Variants in NBAS observed in about 807,000 individuals in gnomAD.
The protein encoded by NBAS is NAG/BC035112 fusion.
NBAS carries 219 observed loss-of-function variants against 302.5 expected under a neutral mutation model. That is an observed-to-expected ratio of 0.72 (90% CI 0.65 to 0.81). NBAS has a LOEUF of 0.81. Ranked by LOEUF, NBAS falls within the 30% of genes least tolerant of loss-of-function variation. The probability of loss-of-function intolerance (pLI) is 0.00; values close to 1 mark genes in which losing one functional copy is unlikely to be tolerated. For synonymous variants in NBAS, 1,118 were observed against 1,021.6 expected (o/e 1.09, Z -1.80); for missense variants, 2,932 against 2,841.6 (o/e 1.03, Z -0.72).
chr2:14,850,907 A>C, the NBAS span, among the ~76,000 whole-genome samples: 1 of 137,198 alleles, frequency 7.3e-6, no homozygotes, highest in African/African-American at 3.2e-5. Flanking sequence ...ACATACCAGA[A>C]TCTCTGGGAC....
intron 11 of NBAS, among the ~76,000 whole-genome samples, chr2:15,490,279 C>T (rs1680800989): frequency 6.6e-6 from 1 of 152,080 alleles, no homozygotes; most frequent in Non-Finnish European, 1.5e-5. Context: ...TTCAGGAGGT[C>T]AGGAACACTG....
chr2:15,033,418 T>A, the NBAS span, among the ~76,000 whole-genome samples: 4 of 20,888 alleles, frequency 1.9e-4, no homozygotes, highest in African/African-American at 3.3e-4. Context: ...CTTCAAACTT[T>A]AGACTTTAGA....
chr2:15,090,113 G>T, the NBAS span, among the ~76,000 whole-genome samples: 2 of 152,180 alleles, frequency 1.3e-5, no homozygotes, highest in African/African-American at 4.8e-5. Flanking sequence ...GTTCCCAAAA[G>T]ATGTCAGCTC....
chr2:15,488,775 G>A, intron 12 of NBAS, 119 bp downstream of exon 12: 1 of 1,301,106 alleles, frequency 7.7e-7, no homozygotes, highest in Non-Finnish European at 1.1e-6. Context: ...AAGGATAGAA[G>A]AGCTTTGGAA....
At chr2:15,189,386 A>G (rs575640914) in intron 49 of NBAS, among the ~76,000 whole-genome samples, 86 of 152,182 alleles carry the variant, frequency 5.7e-4, no homozygotes, top group Non-Finnish European at 1.1e-3. Context: ...ATAGGACTTT[A>G]TTTTCAGAAA....
rs1270338669 is a variant in NBAS at position 15,328,294 on chromosome 2, C to T, written c.4366G>A (p.Ala1456Thr). ...RPLQGQKCGG[A>T]YQIGTTANED... ...TTGGCTGTAGTTCCGATTTGATATG[C>T]ACCACCACATTTTTGCCCCTAAAAA... Residue 1456 changes from alanine to threonine, a missense_variant, in exon 37 of 52, where the codon GCA becomes ACA. By Grantham distance (58) the Ala-to-Thr change is moderately conservative. Transcript: ENST00000281513. 1 of 1,613,664 alleles carries T rather than the reference C, an allele frequency of 6.2e-7. No homozygotes were observed. Among genetic ancestry groups the T allele is most frequent in the Admixed American group, 1.7e-5 (1 of 59,994 alleles).
chr2:15,009,716 A>G, the NBAS span, among the ~76,000 whole-genome samples: 696 of 147,252 alleles, frequency 4.7e-3, 10 homozygotes, highest in African/African-American at 0.016. Flanking sequence ...ATATATATAT[A>G]TATACGGTGC....
chr2:14,919,047 G>T, the NBAS span, among the ~76,000 whole-genome samples: 1 of 152,206 alleles, frequency 6.6e-6, no homozygotes, highest in South Asian at 2.1e-4. Context: ...AGGATAATTT[G>T]TACATGCCTG....
intron 45 of NBAS, among the ~76,000 whole-genome samples, chr2:15,236,012 G>T (rs1667575196): frequency 6.6e-6 from 1 of 152,038 alleles, no homozygotes. Context: ...TTAAAATGAA[G>T]GTCTGAACTA....
rs1027525545 is a variant in NBAS at position 15,441,841 on chromosome 2, G to C, written c.2340-14047C>G. Among the ~76,000 whole-genome samples the C allele has an allele frequency of 9.5e-3, 1,444 of 151,892 alleles. 17 individuals are homozygous for C. The highest frequency in any genetic ancestry group is 0.03 in the African/African-American group (1,241 of 41,376). On this transcript the variant is annotated intron_variant, in intron 21 of 51. Coordinates refer to ENST00000281513, the MANE Select transcript of NBAS (RefSeq NM_015909.4). ...ACCAAGCAAATGGAAAACAAAAAAA[G>C]GCAGGGGTTGCAATGCTAGTCTCTG...
At chr2:15,254,781 G>A (rs1223563633) in intron 44 of NBAS, among the ~76,000 whole-genome samples, 20 of 152,172 alleles carry the variant, frequency 1.3e-4, no homozygotes, top group Admixed American at 1.3e-3. Context: ...ACTTATAAGT[G>A]AGAACATAAG....
At chr2:15,086,009 G>A in the NBAS span, among the ~76,000 whole-genome samples, 1 of 152,100 alleles carries the variant, frequency 6.6e-6, no homozygotes, top group African/African-American at 2.4e-5. Context: ...GAAGGGGTGG[G>A]GTCCCCAGTG....
At chr2:15,540,677 C>T (rs12692272) in intron 6 of NBAS, among the ~76,000 whole-genome samples, 93,444 of 151,332 alleles carry the variant, frequency 0.62, 29,733 homozygotes, top group Non-Finnish European at 0.68. Flanking sequence ...ACTCATACCA[C>T]GACAACCTGG....
At chr2:14,814,704 G>A in the NBAS span, among the ~76,000 whole-genome samples, 4 of 152,236 alleles carry the variant, frequency 2.6e-5, no homozygotes, top group Admixed American at 1.3e-4. Flanking sequence ...GTTAATGTTC[G>A]AATGAGTTAA....
In NBAS at chr2:15,353,757, A is replaced by G. The variant is rs2277915; in HGVS notation, c.3932-47T>C. ...AAATGATTCCCAAAAGAAGAAGAAT[A>G]TTCAATCTAAGATGACAAATGCAAT... On this transcript the variant is annotated intron_variant, in intron 33 of 51. Transcript: ENST00000281513. The G allele has an allele frequency of 0.62, 1,005,151 of 1,612,478 alleles. 326,878 individuals are homozygous for G. The highest frequency in any genetic ancestry group is 0.68 in the Non-Finnish European group (799,060 of 1,179,076).
At position 15,272,781 on chromosome 2, in the gene NBAS, G is replaced by A. The variant is rs1302981408; in HGVS notation, c.5724+2703C>T. ...AGACTGAATCTTTACTGAGTCAGGT[G>A]CACCTCTAACCCAACAAAATACACA... On this transcript the variant is annotated intron_variant, in intron 44 of 51. Transcript: ENST00000281513. Among the ~76,000 whole-genome samples, 3 of 152,162 alleles carry A rather than the reference G, an allele frequency of 2.0e-5. No individual in the cohort carries two copies. In the East Asian group the frequency reaches 5.8e-4, roughly 29 times the overall value.
Position 15,299,880 on chromosome 2 carries a change from T to C in NBAS, c.4798-7114A>G, listed in dbSNP as rs1009086114. On this transcript the variant is annotated intron_variant, in intron 40 of 51. Transcript: ENST00000281513. ...GATACAAATGGGAAACACTGACTTA[T>C]TATTATATACTATTTTCAACACTTG... 6.6e-5 allele frequency among the ~76,000 whole-genome samples: 10 copies of C among 152,232 alleles called. 1 individual carries two copies. Among genetic ancestry groups the C allele is most frequent in the African/African-American group, 2.4e-4 (10 of 41,464 alleles).
chr2:14,845,779 A>G, the NBAS span, among the ~76,000 whole-genome samples: 1 of 152,236 alleles, frequency 6.6e-6, no homozygotes, highest in African/African-American at 2.4e-5. Context: ...TGAAGAATGC[A>G]TCAGTCTTTT....
chr2:15,539,927 G>A (rs761069460), intron 6 of NBAS, among the ~76,000 whole-genome samples: 24 of 151,920 alleles, frequency 1.6e-4, no homozygotes, highest in Non-Finnish European at 2.8e-4. Context: ...AAGAACTCAT[G>A]AGTCAATCAC....
Sources: allele counts gnomAD v4.1 joint callset (sites outside exome capture counted in the v4.1 genomes callset), GRCh38; gene constraint gnomAD v4.1.1; transcripts MANE v1.5; gene names NCBI Gene and HGNC (gene_info 2026-07-23, HGNC 2026-07-21).